The following PRSS55 variants were observed in gnomAD, a reference collection of about 807,000 sequenced individuals.
PRSS55 encodes serine protease 55.
Under a neutral mutation model 23.6 loss-of-function variants are expected in PRSS55, and 41 were observed. That is an observed-to-expected ratio of 1.74 (90% CI 1.35 to 2.26). PRSS55 has a LOEUF of 2.26. PRSS55 is among the 30% of genes most tolerant of loss of function. The pLI, the probability that PRSS55 is intolerant of heterozygous loss-of-function variation, is 0.00. For synonymous variants in PRSS55, 262 were observed against 175.5 expected (o/e 1.49, Z -3.90); for missense variants, 669 against 439.1 (o/e 1.52, Z -4.68).
downstream of PRSS55, among the ~76,000 whole-genome samples, chr8:10,543,703 G>C (rs1812735336): frequency 8.3e-6 from 1 of 120,800 alleles, no homozygotes; most frequent in Non-Finnish European, 1.9e-5. Flanking sequence ...TGCTGCTTTA[G>C]TGCATCACAT....
chr8:10,527,729 G>C (rs1375606221), intron 1 of PRSS55, among the ~76,000 whole-genome samples: 1 of 152,176 alleles, frequency 6.6e-6, no homozygotes, highest in Non-Finnish European at 1.5e-5. Flanking sequence ...GTGTGACGCT[G>C]GGCAAACTAC....
rs766021919 is a variant in PRSS55 at position 10,529,620 on chromosome 8, G to C, written c.268G>C (p.Glu90Gln). 2 of 1,614,184 alleles carry C rather than the reference G, an allele frequency of 1.2e-6. No individual in the cohort carries two copies. The highest frequency in any genetic ancestry group is 1.7e-6 in the Non-Finnish European group (2 of 1,180,016). ...PWQVSIQARS[E>Q]PFCGGSILNK... is the part of the protein sequence containing the mutation. ...GCAGGTGAGTATTCAGGCAAGAAGT[G>C]AACCTTTCTGTGGCGGCTCCATCCT... Residue 90 changes from glutamate to glutamine, a missense_variant, in exon 2 of 5, where the codon GAA becomes CAA. Glu to Gln is a conservative substitution (Grantham distance 29, BLOSUM62 2). Coordinates refer to ENST00000328655, the MANE Select transcript of PRSS55 (RefSeq NM_198464.4).
At chr8:10,528,820 C>T (rs893572783) in intron 1 of PRSS55, among the ~76,000 whole-genome samples, 2 of 152,232 alleles carry the variant, frequency 1.3e-5, no homozygotes, top group African/African-American at 2.4e-5. Context: ...TCCTACTGGA[C>T]GCTCTAGGGG....
rs1440090921 is a variant in PRSS55 at position 10,532,965 on chromosome 8, G to C, written c.658G>C (p.Glu220Gln). Residue 220 changes from glutamate (E) to glutamine (Q), a missense_variant, in exon 4 of 5, where the codon GAG becomes CAG. Glu to Gln is a conservative substitution (Grantham distance 29). Transcript: ENST00000328655. ...AGCGCCAATGGTCATCATGGACTGG[G>C]AGGAGTGTTCAAAGATGTTTCCAAA... is the stretch of plus-strand genomic sequence containing the variant. ...MKAPMVIMDW[E>Q]ECSKMFPKLT... The C allele has an allele frequency of 3.1e-6, 5 of 1,614,200 alleles. No individual in the cohort carries two copies. Among genetic ancestry groups the C allele is most frequent in the Non-Finnish European group, 4.2e-6 (5 of 1,180,036 alleles).
chr8:10,553,540 C>A (rs1291283809), intron 4 of PRSS55, among the ~76,000 whole-genome samples: 2 of 152,232 alleles, frequency 1.3e-5, no homozygotes, highest in East Asian at 3.9e-4. Flanking sequence ...GTGAATTAAA[C>A]CAGGCCCAGA....
At position 10,531,394 on chromosome 8, in the gene PRSS55, G is replaced by A; in HGVS notation, c.447G>A (p.Lys149=). The A allele has an allele frequency of 6.2e-7, 1 of 1,614,238 alleles. No homozygotes were observed. Among genetic ancestry groups the A allele is most frequent in the Non-Finnish European group, 8.5e-7 (1 of 1,180,054 alleles). Residue 149 remains lysine (K), a synonymous_variant, in exon 3 of 5, where the codon AAG becomes AAA. Transcript: ENST00000328655. ...GCATCATTCTTCACAAAGACTTTAA[G>A]AGAGCCAACATGGACAATGACATTG... The part of the protein sequence containing the change: ...VASIILHKDF[K]RANMDNDIAL...
chr8:10,539,125 G>T (rs1156471094), downstream of PRSS55, among the ~76,000 whole-genome samples: 3 of 151,966 alleles, frequency 2.0e-5, no homozygotes, highest in Non-Finnish European at 2.9e-5. Context: ...GAGTCCAGGG[G>T]CTGAAAGGTG....
At chr8:10,537,284 A>T (rs1812489744) in intron 4 of PRSS55, among the ~76,000 whole-genome samples, 1 of 152,370 alleles carries the variant, frequency 6.6e-6, no homozygotes, top group African/African-American at 2.4e-5. Flanking sequence ...ACGACGGAAT[A>T]TTATTCAGCC....
chr8:10,548,058 C>G (rs1215411706), intron 4 of PRSS55, among the ~76,000 whole-genome samples: 1 of 152,144 alleles, frequency 6.6e-6, no homozygotes, highest in African/African-American at 2.4e-5. Flanking sequence ...AGGCTCAGGA[C>G]AGGACTGCTC....
At chr8:10,528,869 T>G (rs908109735) in intron 1 of PRSS55, among the ~76,000 whole-genome samples, 6 of 152,150 alleles carry the variant, frequency 3.9e-5, no homozygotes, top group Non-Finnish European at 8.8e-5. Context: ...TCTAGAAACT[T>G]CTCTGGGCCC....
At chr8:10,531,701 C>T (rs1008465411) in intron 3 of PRSS55, 156 bp downstream of exon 3, 11 of 1,061,196 alleles carry the variant, frequency 1.0e-5, no homozygotes, top group African/African-American at 6.4e-5. Context: ...TTTTGGGTGC[C>T]GAAACCCCAA....
chr8:10,528,755 C>A (rs1430536141), intron 1 of PRSS55, among the ~76,000 whole-genome samples: 1 of 152,238 alleles, frequency 6.6e-6, no homozygotes, highest in African/African-American at 2.4e-5. Context: ...TACTGTGGGA[C>A]AGAGCTCCAG....
At chr8:10,539,605 T>G (rs62492804), downstream of PRSS55, among the ~76,000 whole-genome samples, 2 of 152,202 alleles carry the variant, frequency 1.3e-5, no homozygotes, top group Admixed American at 1.3e-4. Flanking sequence ...TGGGAGATAA[T>G]TGAGTCATGC....
At chr8:10,535,512 C>T (rs889679583) in intron 4 of PRSS55, among the ~76,000 whole-genome samples, 3 of 152,176 alleles carry the variant, frequency 2.0e-5, no homozygotes, top group African/African-American at 7.2e-5. Flanking sequence ...ACTGGCTAGC[C>T]ATATGCAGAA....
downstream of PRSS55, among the ~76,000 whole-genome samples, chr8:10,543,017 T>C (rs1563546915): frequency 6.6e-6 from 1 of 152,012 alleles, no homozygotes; most frequent in Non-Finnish European, 1.5e-5. Context: ...TTATTGCAAG[T>C]TTCTGATGTC....
intron 2 of PRSS55, among the ~76,000 whole-genome samples, chr8:10,530,745 C>T (rs529650720): frequency 6.6e-6 from 1 of 152,300 alleles, no homozygotes; most frequent in East Asian, 1.9e-4. Context: ...ACAGTTTCTT[C>T]ATGGCATAAC....
chr8:10,528,753 G>T (rs985607476), intron 1 of PRSS55, among the ~76,000 whole-genome samples: 4 of 152,218 alleles, frequency 2.6e-5, no homozygotes, highest in African/African-American at 7.2e-5. Context: ...AGTACTGTGG[G>T]ACAGAGCTCC....
At chr8:10,543,480 C>CT (rs373955057), downstream of PRSS55, among the ~76,000 whole-genome samples, 81 of 109,454 alleles carry the variant, frequency 7.4e-4, 3 homozygotes, top group African/African-American at 2.7e-3. Context: ...TTCTTTCTCT[C>CT]TTTTTTTTTT....
rs140412227 is a variant in PRSS55 at position 10,538,506 on chromosome 8, C to T, written c.772C>T (p.Pro258Ser). The T allele has an allele frequency of 1.9e-6, 3 of 1,613,914 alleles. No individual in the cohort carries two copies. The highest frequency in any genetic ancestry group is 2.2e-5 in the East Asian group (1 of 44,876). ...CAGTGGGGGGCCTCTGGTCTGCACC[C>T]CAGAGCCTGGTGAGAAGTGGTACCA... is the stretch of plus-strand genomic sequence containing the variant. ...GDSGGPLVCTPEPGEKWYQVG... is the reference protein window; with the variant it reads ...GDSGGPLVCTSEPGEKWYQVG... Residue 258 changes from proline (P) to serine (S), a missense_variant, in exon 5 of 5, where the codon CCA becomes TCA. Transcript: ENST00000328655.
Sources: gnomAD v4.1 joint callset for allele counts (sites outside exome capture counted in the v4.1 genomes callset) on GRCh38, gnomAD v4.1.1 for gene constraint, MANE v1.5 for transcripts, NCBI Gene and HGNC (gene_info 2026-07-23, HGNC 2026-07-21) for gene names.